The following MICAL2 variants were observed in gnomAD, a reference collection of about 807,000 sequenced individuals.
MICAL2 encodes [F-actin]-monooxygenase MICAL2.
Under a neutral mutation model 127.3 loss-of-function variants are expected in MICAL2, and 77 were observed. That is an observed-to-expected ratio of 0.60 (90% CI 0.50 to 0.73). The LOEUF (loss-of-function observed/expected upper bound fraction) is 0.73, where lower values mean the gene tolerates loss of function less well. Ranked by LOEUF, MICAL2 falls within the 30% of genes least tolerant of loss-of-function variation. The pLI is 0.00. For missense variants in MICAL2, 1,351 were observed against 1,434.4 expected (o/e 0.94, Z 0.94); for synonymous variants, 570 against 551.1 (o/e 1.03, Z -0.48).
In MICAL2 at chr11:12,174,840, G is replaced by A. The variant is rs11022225; in HGVS notation, c.264+12421G>A. ...TAATTCATTCAAAAAATCATTTTCAGCCAGGCATGGTGGCTCACTCCTGTA... is the reference window on the plus strand; with the variant it reads ...TAATTCATTCAAAAAATCATTTTCAACCAGGCATGGTGGCTCACTCCTGTA... On this transcript the variant is annotated intron_variant, in intron 3 of 27. Coordinates refer to ENST00000683283, the MANE Select transcript of MICAL2 (RefSeq NM_001282663.2). Among the ~76,000 whole-genome samples the A allele has an allele frequency of 3.6e-3, 542 of 152,298 alleles. 9 individuals carry two copies. In the East Asian group the frequency reaches 0.076, roughly 21 times the overall value.
chr11:12,215,756 A>G (rs988131051), intron 7 of MICAL2, among the ~76,000 whole-genome samples: 1 of 152,316 alleles, frequency 6.6e-6, no homozygotes, highest in South Asian at 2.1e-4. Context: ...TTCACATACA[A>G]GCCGGGAAAC....
chr11:12,273,665 A>C (rs1232556827), upstream of MICAL2, among the ~76,000 whole-genome samples: 1 of 152,010 alleles, frequency 6.6e-6, no homozygotes, highest in Non-Finnish European at 1.5e-5. Flanking sequence ...TGTATCTCCC[A>C]GAGAGAACAC....
intron 4 of MICAL2, 194 bp from the exon 5 acceptor site, chr11:12,207,829 G>A (rs867017426): frequency 5.5e-5 from 30 of 548,588 alleles, no homozygotes; most frequent in South Asian, 2.0e-4. Context: ...GAATAATAAC[G>A]ATTCCAAAGG....
intron 22 of MICAL2, among the ~76,000 whole-genome samples, chr11:12,252,276 T>A (rs1861652639): frequency 6.6e-6 from 1 of 152,222 alleles, no homozygotes; most frequent in African/African-American, 2.4e-5. Context: ...TGTGGCCTCC[T>A]GGAAATGGCA....
chr11:12,233,446 C>T (rs1858585043), intron 15 of MICAL2, among the ~76,000 whole-genome samples: 1 of 152,222 alleles, frequency 6.6e-6, no homozygotes, highest in South Asian at 2.1e-4. Flanking sequence ...TGACCCATAT[C>T]TAAATTATTC....
downstream of MICAL2, among the ~76,000 whole-genome samples, chr11:12,288,230 G>A (rs1034284650): frequency 7.9e-5 from 12 of 152,250 alleles, no homozygotes; most frequent in Non-Finnish European, 1.8e-4. Context: ...GGGCAGAGGA[G>A]CTAGCATTGC....
At chr11:12,181,067 C>A (rs939778824) in intron 3 of MICAL2, among the ~76,000 whole-genome samples, 2 of 151,900 alleles carry the variant, frequency 1.3e-5, no homozygotes, top group African/African-American at 2.4e-5. Context: ...CCTCAGCCTC[C>A]CAAATAGCTG....
chr11:12,271,494 A>C (rs549685185), upstream of MICAL2, among the ~76,000 whole-genome samples: 1 of 152,160 alleles, frequency 6.6e-6, no homozygotes, highest in East Asian at 1.9e-4. Flanking sequence ...AGCACTGTGC[A>C]CTCACTGGCT....
chr11:12,187,735 A>C (rs1404135135), intron 3 of MICAL2, among the ~76,000 whole-genome samples: 1 of 152,110 alleles, frequency 6.6e-6, no homozygotes, highest in African/African-American at 2.4e-5. Context: ...CTTCTCGGCT[A>C]TCTTGCTGGT....
chr11:12,219,171 G>C (rs1856522486), intron 8 of MICAL2, among the ~76,000 whole-genome samples: 1 of 152,122 alleles, frequency 6.6e-6, no homozygotes, highest in Admixed American at 6.5e-5. Context: ...TTACACACTG[G>C]TCCCCTCCCA....
At chr11:12,166,359 C>T (rs762410753) in intron 3 of MICAL2, among the ~76,000 whole-genome samples, 6 of 152,176 alleles carry the variant, frequency 3.9e-5, no homozygotes, top group Non-Finnish European at 8.8e-5. Flanking sequence ...TACACCTTAC[C>T]AGGCATTTGA....
chr11:12,298,271 A>G (rs1017888013), intron 29 of MICAL2, among the ~76,000 whole-genome samples: 9 of 152,148 alleles, frequency 5.9e-5, no homozygotes, highest in African/African-American at 2.2e-4. Context: ...TGTCAACAAG[A>G]TATTTTCCAG....
At chr11:12,124,278 T>C (rs961570956) in intron 1 of MICAL2, among the ~76,000 whole-genome samples, 3 of 152,162 alleles carry the variant, frequency 2.0e-5, no homozygotes, top group Admixed American at 2.0e-4. Context: ...GTCACACTCC[T>C]GGAGACCTCC....
At chr11:12,183,324 A>G (rs2133963735) in intron 3 of MICAL2, among the ~76,000 whole-genome samples, 1 of 152,210 alleles carries the variant, frequency 6.6e-6, no homozygotes, top group South Asian at 2.1e-4. Context: ...GTGGGTGAAC[A>G]CGTTTGGCGT....
intron 29 of MICAL2, among the ~76,000 whole-genome samples, chr11:12,297,369 T>C (rs573738977): frequency 4.1e-4 from 63 of 152,276 alleles, no homozygotes; most frequent in African/African-American, 1.5e-3. Context: ...TTTCTATTGG[T>C]TTGTTGGGTT....
intron 21 of MICAL2, among the ~76,000 whole-genome samples, chr11:12,245,920 A>T (rs1028976982): frequency 6.6e-6 from 1 of 152,246 alleles, no homozygotes; most frequent in Non-Finnish European, 1.5e-5. Context: ...CGGACCAGGC[A>T]GTGGCTTGTG....
At chr11:12,293,462 A>G, downstream of MICAL2, 3 of 1,432,190 alleles carry the variant, frequency 2.1e-6, no homozygotes, top group Non-Finnish European at 2.8e-6. Flanking sequence ...AGATGGGAAG[A>G]AAAAACAGGG....
chr11:12,161,220 C>T (rs909388698), intron 2 of MICAL2, among the ~76,000 whole-genome samples: 3 of 152,208 alleles, frequency 2.0e-5, no homozygotes, highest in African/African-American at 7.2e-5. Context: ...AAATGACTTT[C>T]CTAAGAAATG....
At chr11:12,249,777 C>T (rs987027107) in intron 22 of MICAL2, among the ~76,000 whole-genome samples, 2 of 152,190 alleles carry the variant, frequency 1.3e-5, no homozygotes, top group African/African-American at 2.4e-5. Context: ...GAAGTGTAGC[C>T]GGGACACCTG....
Sources: gnomAD v4.1 joint callset for allele counts (sites outside exome capture counted in the v4.1 genomes callset) on GRCh38, gnomAD v4.1.1 for gene constraint, MANE v1.5 for transcripts, NCBI Gene and HGNC (gene_info 2026-07-23, HGNC 2026-07-21) for gene names.